The following NCKAP5 variants were observed in gnomAD, a reference collection of about 807,000 sequenced individuals.
NCKAP5 encodes NCK associated protein 5.
Under a neutral mutation model 167.0 loss-of-function variants are expected in NCKAP5, and 92 were observed. The observed-to-expected ratio is 0.55, with a 90% CI of 0.47 to 0.66. The LOEUF (loss-of-function observed/expected upper bound fraction) is 0.66, where lower values mean the gene tolerates loss of function less well. Ranked by LOEUF, NCKAP5 falls within the 30% of genes least tolerant of loss-of-function variation. The pLI is 0.00. For missense variants in NCKAP5, 2,378 were observed against 2,315.0 expected (o/e 1.03, Z -0.56); for synonymous variants, 891 against 877.4 (o/e 1.02, Z -0.27).
chr2:133,390,923 C>A (rs1687355144), intron 3 of NCKAP5, among the ~76,000 whole-genome samples: 1 of 152,168 alleles, frequency 6.6e-6, no homozygotes, highest in African/African-American at 2.4e-5. Context: ...TTCACACATG[C>A]AGAGTGTATT....
intron 3 of NCKAP5, among the ~76,000 whole-genome samples, chr2:133,497,395 T>C (rs1682040112): frequency 6.6e-6 from 1 of 152,236 alleles, no homozygotes; most frequent in Admixed American, 6.5e-5. Flanking sequence ...TGGGTTGCTA[T>C]GGCTTCCTGC....
At chr2:133,664,942 C>G in the NCKAP5 span, among the ~76,000 whole-genome samples, 1 of 152,342 alleles carries the variant, frequency 6.6e-6, no homozygotes, top group African/African-American at 2.4e-5. Context: ...ACCTCATGAA[C>G]CAACCTCTGC....
At chr2:132,874,895 GTTTATTTTAT>G (rs72377677) in intron 9 of NCKAP5, among the ~76,000 whole-genome samples, 34 of 150,398 alleles carry the variant, frequency 2.3e-4, no homozygotes, top group South Asian at 4.2e-4. Context: ...CTGGGATATG[GTTTATTTTAT>G]TTTATTTTAT....
intron 3 of NCKAP5, among the ~76,000 whole-genome samples, chr2:133,378,192 T>C (rs1323847262): frequency 6.6e-6 from 1 of 152,158 alleles, no homozygotes. Flanking sequence ...AAGTAAATGA[T>C]AGTACAGATC....
chr2:133,171,448 C>T (rs557166051), intron 5 of NCKAP5, among the ~76,000 whole-genome samples: 123 of 152,174 alleles, frequency 8.1e-4, no homozygotes, highest in African/African-American at 2.8e-3. Flanking sequence ...CATTGGCCTC[C>T]GGTGGTGGTC....
intron 6 of NCKAP5, among the ~76,000 whole-genome samples, chr2:133,107,407 G>A (rs867832843): frequency 9.2e-5 from 14 of 152,120 alleles, no homozygotes; most frequent in African/African-American, 1.4e-4. Flanking sequence ...ATTTTAATTC[G>A]AGCTCAAAAG....
chr2:133,157,993 A>G (rs1477035160), intron 5 of NCKAP5, among the ~76,000 whole-genome samples: 1 of 152,238 alleles, frequency 6.6e-6, no homozygotes, highest in African/African-American at 2.4e-5. Flanking sequence ...TGGTTGCCAC[A>G]TGATACAATG....
Position 133,101,849 on chromosome 2 carries a change from A to T in NCKAP5, c.341+28129T>A, listed in dbSNP as rs115833385. On this transcript the variant is annotated intron_variant, in intron 6 of 19. Transcript: ENST00000409261. ...TGGGAAAGGCTGTTAAGAAGTAAAC[A>T]TGTCTGACAGGGTGCGCAATTGCAG... Among the ~76,000 whole-genome samples the T allele has an allele frequency of 3.6e-3, 550 of 152,306 alleles. 3 individuals carry two copies. Among genetic ancestry groups the T allele is most frequent in the African/African-American group, 0.012 (499 of 41,564 alleles).
At chr2:133,055,175 T>A (rs925163036) in intron 6 of NCKAP5, among the ~76,000 whole-genome samples, 19 of 152,104 alleles carry the variant, frequency 1.2e-4, no homozygotes, top group Admixed American at 6.6e-5. Context: ...CGTATACTAG[T>A]ATACTGATCC....
intron 3 of NCKAP5, among the ~76,000 whole-genome samples, chr2:133,401,980 C>T (rs1189019644): frequency 1.3e-5 from 2 of 152,162 alleles, no homozygotes; most frequent in Non-Finnish European, 2.9e-5. Flanking sequence ...TCTCGAGATT[C>T]AGCTCAAGGG....
At chr2:133,305,947 A>G (rs1222469239) in intron 3 of NCKAP5, among the ~76,000 whole-genome samples, 1 of 152,208 alleles carries the variant, frequency 6.6e-6, no homozygotes, top group South Asian at 2.1e-4. Context: ...TCTTACATAT[A>G]TTTTTTGTTA....
chr2:133,331,068 G>A (rs1042192661), intron 3 of NCKAP5, among the ~76,000 whole-genome samples: 2 of 152,162 alleles, frequency 1.3e-5, no homozygotes, highest in East Asian at 1.9e-4. Flanking sequence ...ATGTGTGTGT[G>A]TATGTGAGTG....
intron 3 of NCKAP5, among the ~76,000 whole-genome samples, chr2:133,481,942 AT>A (rs1164536989): frequency 6.6e-6 from 1 of 152,152 alleles, no homozygotes. Flanking sequence ...ATCTTACTAT[AT>A]ATTTGTACAC....
chr2:133,367,728 A>C (rs1685544131), intron 3 of NCKAP5, among the ~76,000 whole-genome samples: 1 of 152,190 alleles, frequency 6.6e-6, no homozygotes, highest in South Asian at 2.1e-4. Context: ...ATACATTAAT[A>C]GTTCTGAAGT....
intron 4 of NCKAP5, among the ~76,000 whole-genome samples, chr2:133,298,760 C>A (rs547768709): frequency 1.3e-5 from 2 of 151,844 alleles, no homozygotes; most frequent in Non-Finnish European, 2.9e-5. Context: ...AACATTATAC[C>A]GGTTATACAG....
chr2:132,997,317 G>A (rs370569253), intron 6 of NCKAP5, among the ~76,000 whole-genome samples: 1 of 152,088 alleles, frequency 6.6e-6, no homozygotes, highest in Non-Finnish European at 1.5e-5. Flanking sequence ...CGCTGGTTAC[G>A]AGTACTCTAA....
At chr2:133,131,640 C>T (rs1160190624) in intron 5 of NCKAP5, among the ~76,000 whole-genome samples, 1 of 152,126 alleles carries the variant, frequency 6.6e-6, no homozygotes, top group African/African-American at 2.4e-5. Context: ...TAATCAGTTA[C>T]TTTTACTGAA....
intron 3 of NCKAP5, among the ~76,000 whole-genome samples, chr2:133,435,815 G>GTGT: frequency 6.6e-6 from 1 of 152,206 alleles, no homozygotes; most frequent in African/African-American, 2.4e-5. Flanking sequence ...CTCCTTCATG[G>GTGT]TGTTCTCTTC....
intron 8 of NCKAP5, among the ~76,000 whole-genome samples, chr2:132,946,861 G>A (rs921042370): frequency 7.2e-5 from 11 of 152,182 alleles, no homozygotes; most frequent in African/African-American, 2.2e-4. Flanking sequence ...TGGCGCCACC[G>A]CACTCCAGCC....
Sources: allele counts gnomAD v4.1 joint callset (sites outside exome capture counted in the v4.1 genomes callset), GRCh38; gene constraint gnomAD v4.1.1; transcripts MANE v1.5; gene names NCBI Gene and HGNC (gene_info 2026-07-23, HGNC 2026-07-21).